Variants in PXDNL observed in about 807,000 individuals in gnomAD.
The protein encoded by PXDNL is peroxidasin like.
In PXDNL, 145 loss-of-function variants were observed where a neutral mutation model predicts 150.8. The observed-to-expected ratio is 0.96, with a 90% confidence interval of 0.84 to 1.10. The LOEUF is 1.10. PXDNL is among the 50% of genes least tolerant of loss of function. PXDNL has a pLI of 0.00. For synonymous variants in PXDNL, 757 were observed against 725.7 expected (o/e 1.04, Z -0.69); for missense variants, 2,087 against 1,873.9 (o/e 1.11, Z -2.10).
chr8:51,646,043 T>G lies in PXDNL; in HGVS notation c.236+8646A>C, dbSNP rs184529114. ...GTTAGGAGGATACCAAGGAAAGGAC[T>G]GTGTTATGGGATGAACTGTGTTCCC... On this transcript the variant is annotated intron_variant, in intron 2 of 22. Coordinates refer to ENST00000356297, the MANE Select transcript of PXDNL (RefSeq NM_144651.5). Among the ~76,000 whole-genome samples, 4 of 146,876 alleles carry G rather than the reference T, an allele frequency of 2.7e-5. No individual in the cohort carries two copies. In the East Asian group the frequency reaches 8.2e-4, roughly 30 times the overall value.
intron 21 of PXDNL, among the ~76,000 whole-genome samples, chr8:51,329,143 A>G (rs908844342): frequency 6.6e-6 from 1 of 152,218 alleles, no homozygotes; most frequent in African/African-American, 2.4e-5. Context: ...GCCTCAGAAC[A>G]TAAGCCCACT....
At chr8:51,703,784 G>T (rs1816305993) in intron 1 of PXDNL, among the ~76,000 whole-genome samples, 1 of 152,166 alleles carries the variant, frequency 6.6e-6, no homozygotes, top group Admixed American at 6.5e-5. Context: ...TTTAAATGCA[G>T]CATGATTAAA....
At chr8:51,450,294 T>C (rs905886592) in intron 10 of PXDNL, among the ~76,000 whole-genome samples, 2 of 152,186 alleles carry the variant, frequency 1.3e-5, no homozygotes, top group Non-Finnish European at 2.9e-5. Context: ...TCATGTTTTA[T>C]CAGCAGGGTC....
chr8:51,623,075 G>T (rs1372848435), intron 2 of PXDNL, among the ~76,000 whole-genome samples: 1 of 152,194 alleles, frequency 6.6e-6, no homozygotes, highest in African/African-American at 2.4e-5. Flanking sequence ...CATACTTCCT[G>T]GTTTAAAATT....
chr8:51,320,325 G>T (rs1025260557), intron 22 of PXDNL, among the ~76,000 whole-genome samples: 2 of 152,166 alleles, frequency 1.3e-5, no homozygotes, highest in African/African-American at 4.8e-5. Flanking sequence ...TGTTCAAAAA[G>T]CAAACTAAAT....
intron 3 of PXDNL, among the ~76,000 whole-genome samples, chr8:51,574,534 A>G (rs922694229): frequency 1.3e-5 from 2 of 152,056 alleles, no homozygotes; most frequent in African/African-American, 4.8e-5. Context: ...AAAACTTCCA[A>G]TTTTGGCCAA....
At chr8:51,499,906 G>A (rs1463455644) in intron 4 of PXDNL, 136 bp from the exon 5 acceptor site, 1 of 600,062 alleles carries the variant, frequency 1.7e-6, no homozygotes, top group Non-Finnish European at 3.0e-6. Flanking sequence ...ACAAAAATCA[G>A]AAACTCTGAG....
intron 5 of PXDNL, among the ~76,000 whole-genome samples, chr8:51,492,915 G>C (rs1810931544): frequency 1.3e-5 from 2 of 152,196 alleles, no homozygotes; most frequent in Admixed American, 1.3e-4. Context: ...GTCCCTGTCT[G>C]ACAGCTTTGA....
At chr8:51,485,201 T>C (rs1189927364) in intron 5 of PXDNL, among the ~76,000 whole-genome samples, 2 of 152,194 alleles carry the variant, frequency 1.3e-5, no homozygotes, top group Admixed American at 1.3e-4. Context: ...CTATTTCTAC[T>C]ATTTTGGGAA....
In PXDNL at chr8:51,408,693, T is replaced by C; in HGVS notation, c.2931A>G (p.Glu977=). ...ACAGCTCCGTGGCCATCCTGTTGTGTTCCCGGAACCACAGGGTGTGCATGG... is the reference window on the plus strand; with the variant it reads ...ACAGCTCCGTGGCCATCCTGTTGTGCTCCCGGAACCACAGGGTGTGCATGG... ...LAAMHTLWFR[E]HNRMATELSA... The change falls in exon 17 of 23, where the codon GAA becomes GAG. Residue 977 remains glutamate (E), a synonymous_variant. Transcript: ENST00000356297. 1 of 1,595,570 alleles carries C rather than the reference T, an allele frequency of 6.3e-7. No homozygotes were observed. Among genetic ancestry groups the C allele is most frequent in the Non-Finnish European group, 8.5e-7 (1 of 1,170,744 alleles).
chr8:51,658,038 TC>T (rs1815188598), intron 1 of PXDNL, among the ~76,000 whole-genome samples: 1 of 152,062 alleles, frequency 6.6e-6, no homozygotes, highest in Non-Finnish European at 1.5e-5. Flanking sequence ...CTCACTCTCT[TC>T]CTGAGAAGCA....
rs373961248 is a variant in PXDNL, at chr8:51,795,452, G to A, written c.164+13729C>T. Among the ~76,000 whole-genome samples the A allele has an allele frequency of 6.2e-4, 95 of 152,278 alleles. 1 individual carries two copies. The East Asian group carries it at 0.012, about 19-fold the overall frequency. On this transcript the variant is annotated intron_variant, in intron 1 of 22. Coordinates refer to ENST00000356297, the MANE Select transcript of PXDNL (RefSeq NM_144651.5). ...TGAAATCATAGCAAACAGTATCTCA[G>A]AATACAGTGCAATCAAATTAGAACT...
At chr8:51,771,716 A>G (rs185228242) in intron 1 of PXDNL, among the ~76,000 whole-genome samples, 73 of 152,210 alleles carry the variant, frequency 4.8e-4, no homozygotes, top group Non-Finnish European at 8.7e-4. Flanking sequence ...GAGAAACAGA[A>G]AGAGAGACAG....
At chr8:51,502,158 G>A (rs1202688494) in intron 4 of PXDNL, among the ~76,000 whole-genome samples, 1 of 152,220 alleles carries the variant, frequency 6.6e-6, no homozygotes, top group East Asian at 1.9e-4. Flanking sequence ...ACACTGTGTG[G>A]TAGGTTCTAT....
At chr8:51,707,408 T>C (rs1816404109) in intron 1 of PXDNL, among the ~76,000 whole-genome samples, 2 of 152,228 alleles carry the variant, frequency 1.3e-5, no homozygotes, top group South Asian at 4.1e-4. Context: ...GACATATGCC[T>C]ATACTCATGA....
chr8:51,452,740 C>T (rs747277550), intron 10 of PXDNL, among the ~76,000 whole-genome samples: 10 of 152,158 alleles, frequency 6.6e-5, no homozygotes, highest in Non-Finnish European at 1.2e-4. Flanking sequence ...TCAAAATATG[C>T]ACATATCAGG....
chr8:51,601,982 G>A (rs951212989), intron 2 of PXDNL, among the ~76,000 whole-genome samples: 1 of 151,896 alleles, frequency 6.6e-6, no homozygotes, highest in Non-Finnish European at 1.5e-5. Context: ...CATTTATGAA[G>A]CTTATTTTGG....
At position 51,535,738 on chromosome 8, in the gene PXDNL, T is replaced by TA. The variant is rs60301599; in HGVS notation, c.380+21101dup. Among the ~76,000 whole-genome samples the TA allele has an allele frequency of 8.0e-3, 1,040 of 130,098 alleles. 35 individuals carry two copies. Among genetic ancestry groups the TA allele is most frequent in the African/African-American group, 0.026 (992 of 37,692 alleles). 85.3% of individuals were successfully genotyped at this position (130,098 alleles called of 152,430 possible). A position where few individuals can be genotyped will look rare whatever the true frequency, so the allele number is the denominator to read the frequency against. On this transcript the variant is annotated intron_variant, in intron 4 of 22. Coordinates refer to ENST00000356297, the MANE Select transcript of PXDNL (RefSeq NM_144651.5). ...ATAAAAAAATAAATAAATAAATAAATAAAAATAAAGTTTGAGAAGAACTGG... is the reference window on the plus strand; with the variant it reads ...ATAAAAAAATAAATAAATAAATAAATAAAAAATAAAGTTTGAGAAGAACTGG...
intron 4 of PXDNL, among the ~76,000 whole-genome samples, chr8:51,551,231 A>G (rs1343196212): frequency 6.6e-6 from 1 of 152,216 alleles, no homozygotes; most frequent in African/African-American, 2.4e-5. Context: ...TAGAATCAGT[A>G]TTATGAAAAT....
Sources: gnomAD v4.1 joint callset for allele counts (sites outside exome capture counted in the v4.1 genomes callset) on GRCh38, gnomAD v4.1.1 for gene constraint, MANE v1.5 for transcripts, NCBI Gene and HGNC (gene_info 2026-07-23, HGNC 2026-07-21) for gene names.